The following PTTG1IP2 variants were observed in gnomAD, a reference collection of about 807,000 sequenced individuals.
The protein encoded by PTTG1IP2 is PTTG1IP family member 2.
chr7:90,494,741 G>T (rs978771050), intron 6 of PTTG1IP2, among the ~76,000 whole-genome samples: 2 of 152,174 alleles, frequency 1.3e-5, no homozygotes, highest in African/African-American at 4.8e-5. Context: ...AAATTAGCCA[G>T]TGTGGTGCCT....
At chr7:90,476,756 C>T (rs988047272) in intron 1 of PTTG1IP2, among the ~76,000 whole-genome samples, 2 of 151,998 alleles carry the variant, frequency 1.3e-5, no homozygotes, top group African/African-American at 4.8e-5. Context: ...ATTCACCTAA[C>T]AACATAGTTT....
intron 1 of PTTG1IP2, among the ~76,000 whole-genome samples, chr7:90,476,158 GA>G (rs1019716058): frequency 6.6e-5 from 10 of 152,046 alleles, no homozygotes; most frequent in Admixed American, 6.6e-4. Flanking sequence ...AATCCAAGGG[GA>G]AAATGTGGGA....
intron 6 of PTTG1IP2, among the ~76,000 whole-genome samples, chr7:90,494,701 G>A (rs999773112): frequency 2.6e-5 from 4 of 152,110 alleles, no homozygotes; most frequent in Admixed American, 2.6e-4. Flanking sequence ...GGACAATATA[G>A]CGAGATTCCA....
chr7:90,477,315 T>C (rs1797759706), intron 1 of PTTG1IP2, among the ~76,000 whole-genome samples: 1 of 152,142 alleles, frequency 6.6e-6, no homozygotes. Flanking sequence ...ATGTAACACA[T>C]AGGTCAGCTG....
At chr7:90,480,926 G>C (rs1211644283) in intron 2 of PTTG1IP2, among the ~76,000 whole-genome samples, 1 of 152,106 alleles carries the variant, frequency 6.6e-6, no homozygotes, top group African/African-American at 2.4e-5. Flanking sequence ...ATCCCAAAAG[G>C]ATTTGGATTA....
At position 90,499,277 on chromosome 7, in the gene PTTG1IP2, A is replaced by G. The variant is rs755960910; in HGVS notation, c.*50+4847A>G. Among the ~76,000 whole-genome samples, 18 of 152,376 alleles carry G rather than the reference A, an allele frequency of 1.2e-4. No individual in the cohort carries two copies. In the Middle Eastern group the frequency reaches 0.01, roughly 86 times the overall value. ...AAAAGATAATGAGTCTAGAGTTTGC[A>G]GAAGTACTGCATGCAACGGAAATTC... On this transcript the variant is annotated intron_variant, in intron 6 of 6. Transcript: ENST00000509356.
chr7:90,503,652 C>T (rs147310014), intron 6 of PTTG1IP2, among the ~76,000 whole-genome samples: 1 of 152,170 alleles, frequency 6.6e-6, no homozygotes, highest in Non-Finnish European at 1.5e-5. Flanking sequence ...GATTGGGGAA[C>T]GGCCAGTCAG....
intron 6 of PTTG1IP2, among the ~76,000 whole-genome samples, chr7:90,496,155 A>G (rs1797988008): frequency 6.6e-6 from 1 of 152,218 alleles, no homozygotes; most frequent in Non-Finnish European, 1.5e-5. Flanking sequence ...GTTTCAGGAT[A>G]GTACTGGCCT....
chr7:90,475,461 T>C (rs1388676458), intron 1 of PTTG1IP2, among the ~76,000 whole-genome samples: 1 of 152,026 alleles, frequency 6.6e-6, no homozygotes, highest in Admixed American at 6.6e-5. Context: ...TCTTGGAAAT[T>C]AAAAATATAA....
intron 2 of PTTG1IP2, among the ~76,000 whole-genome samples, chr7:90,482,568 T>G (rs1195386519): frequency 6.6e-6 from 1 of 151,892 alleles, no homozygotes; most frequent in Non-Finnish European, 1.5e-5. Context: ...TCTTGATATT[T>G]TATATTAGAA....
rs142813981 is a variant in PTTG1IP2, at chr7:90,485,136, A to C, written c.193-2191A>C. ...GGCTTGGGGAAGAGGTCCTCAGTAG[A>C]AAAGGGTGTGATTACCAGAAAAAGA... is the stretch of plus-strand genomic sequence containing the variant. On this transcript the variant is annotated intron_variant, in intron 2 of 6. Coordinates refer to ENST00000509356, the MANE Select transcript of PTTG1IP2 (RefSeq NM_001365443.2). 7.9e-3 allele frequency among the ~76,000 whole-genome samples: 1,202 copies of C among 152,324 alleles called. 8 individuals are homozygous for C. The highest frequency in any genetic ancestry group is 0.011 in the Non-Finnish European group (715 of 68,030).
chr7:90,503,656 C>T (rs1453079991), intron 6 of PTTG1IP2, among the ~76,000 whole-genome samples: 1 of 152,182 alleles, frequency 6.6e-6, no homozygotes, highest in Non-Finnish European at 1.5e-5. Flanking sequence ...GGGGAACGGC[C>T]AGTCAGTGGA....
intron 1 of PTTG1IP2, among the ~76,000 whole-genome samples, chr7:90,472,801 T>C (rs987808956): frequency 3.3e-5 from 5 of 152,200 alleles, no homozygotes; most frequent in Admixed American, 6.5e-5. Flanking sequence ...TTTTCCTGGT[T>C]GGATCCTAAC....
chr7:90,510,116 C>G (rs1181472718), intron 6 of PTTG1IP2, among the ~76,000 whole-genome samples: 1 of 152,148 alleles, frequency 6.6e-6, no homozygotes, highest in Non-Finnish European at 1.5e-5. Flanking sequence ...TGTCCAGGCT[C>G]AGTGGGAAAG....
intron 6 of PTTG1IP2, among the ~76,000 whole-genome samples, chr7:90,500,712 A>G (rs1327357537): frequency 1.3e-5 from 2 of 152,222 alleles, no homozygotes; most frequent in Non-Finnish European, 2.9e-5. Context: ...CCAAATCCCA[A>G]TATCAACCAT....
intron 6 of PTTG1IP2, among the ~76,000 whole-genome samples, chr7:90,512,031 G>A (rs1048683094): frequency 2.0e-5 from 3 of 152,148 alleles, no homozygotes; most frequent in African/African-American, 7.2e-5. Context: ...ACATAGAGTC[G>A]TTATACATGT....
At chr7:90,495,131 A>T (rs2116096157) in intron 6 of PTTG1IP2, among the ~76,000 whole-genome samples, 1 of 152,354 alleles carries the variant, frequency 6.6e-6, no homozygotes, top group Admixed American at 6.5e-5. Flanking sequence ...GCCACGTTAG[A>T]CAACTAACTT....
intron 5 of PTTG1IP2, among the ~76,000 whole-genome samples, chr7:90,492,575 C>T (rs987032966): frequency 6.6e-6 from 1 of 152,150 alleles, no homozygotes; most frequent in African/African-American, 2.4e-5. Flanking sequence ...CTGAAAACAA[C>T]AACAAAAATC....
chr7:90,510,141 T>C (rs958801970), intron 6 of PTTG1IP2, among the ~76,000 whole-genome samples: 2 of 152,176 alleles, frequency 1.3e-5, no homozygotes, highest in Non-Finnish European at 2.9e-5. Flanking sequence ...CTGGGATCTG[T>C]AGCAATATCT....
Sources: allele counts gnomAD v4.1 joint callset (sites outside exome capture counted in the v4.1 genomes callset), GRCh38; gene constraint gnomAD v4.1.1; transcripts MANE v1.5; gene names NCBI Gene and HGNC (gene_info 2026-07-23, HGNC 2026-07-21).